DECR1: variants seen among roughly 807,000 people sequenced by gnomAD.
The protein encoded by DECR1 is 2,4-dienoyl-CoA reductase [(3E)-enoyl-CoA-producing], mitochondrial.
In DECR1, 44 loss-of-function variants were observed where a neutral mutation model predicts 38.8. The observed-to-expected ratio is 1.13, with a 90% CI of 0.89 to 1.46. The LOEUF is 1.46. DECR1 is among the 40% of genes most tolerant of loss of function. The pLI is 0.00. For missense variants in DECR1, 428 were observed against 405.5 expected (o/e 1.06, Z -0.48); for synonymous variants, 148 against 135.2 (o/e 1.09, Z -0.66).
chr8:90,036,513 T>C (rs2130125953), intron 5 of DECR1, among the ~76,000 whole-genome samples: 1 of 152,294 alleles, frequency 6.6e-6, no homozygotes, highest in East Asian at 1.9e-4. Flanking sequence ...CTTATTCAAG[T>C]AGTACTTAGT....
In DECR1 at chr8:90,036,922, G is replaced by T; in HGVS notation, c.647G>T (p.Gly216Val). 7 of 1,612,978 alleles carry T rather than the reference G, an allele frequency of 4.3e-6. No individual in the cohort carries two copies. The highest frequency in any genetic ancestry group is 1.3e-5 in the African/African-American group (1 of 75,004). ...FVVPSASAKA[G>V]VEAMSKSLAA... The stretch of plus-strand genomic sequence containing the variant: ...GTACCAAGTGCTTCTGCCAAAGCAG[G>T]TGTGGAAGCCATGAGCAAGTAAGTA... Residue 216 changes from glycine to valine, a missense_variant, in exon 6 of 10, where the codon GGT becomes GTT. By Grantham distance (109) the Gly-to-Val change is moderately radical. Transcript: ENST00000220764.
At chr8:90,012,429 A>C (rs903710463) in intron 1 of DECR1, among the ~76,000 whole-genome samples, 4 of 152,122 alleles carry the variant, frequency 2.6e-5, no homozygotes, top group African/African-American at 4.8e-5. Flanking sequence ...CTGGGATTAC[A>C]GGTGTTAGCT....
chr8:90,011,908 T>A (rs1176082377), intron 1 of DECR1, among the ~76,000 whole-genome samples: 1 of 152,186 alleles, frequency 6.6e-6, no homozygotes, highest in Non-Finnish European at 1.5e-5. Context: ...AGAATTCTTA[T>A]CAACAGATTG....
chr8:90,009,164 T>C lies in DECR1; in HGVS notation c.69+7603T>C, dbSNP rs901466309. On this transcript the variant is annotated intron_variant, in intron 1 of 9. Coordinates refer to ENST00000220764, the MANE Select transcript of DECR1 (RefSeq NM_001359.2). ...CCTTTACCTCACTGACCTCTTCTCC[T>C]GCCCCTGTCTCCCTCCTTCCTTCTT... Among the ~76,000 whole-genome samples the C allele has an allele frequency of 5.9e-5, 9 of 152,194 alleles. No individual in the cohort carries two copies. The South Asian group carries it at 6.2e-4, about 11-fold the overall frequency.
Position 90,001,478 on chromosome 8 carries a change from T to G in DECR1, c.-15T>G, listed in dbSNP as rs755466018. On this transcript the variant is annotated 5_prime_UTR_variant, in exon 1 of 10. Coordinates refer to ENST00000220764, the MANE Select transcript of DECR1 (RefSeq NM_001359.2). ...CGCCTGCGCCGCCTTCCGGCCCGAGTTCTGGAGACTCAACATGAAGCTACC... is the reference window on the plus strand; with the variant it reads ...CGCCTGCGCCGCCTTCCGGCCCGAGGTCTGGAGACTCAACATGAAGCTACC... 2.5e-5 allele frequency: 40 copies of G among 1,613,768 alleles called. No individual in the cohort carries two copies. The highest frequency in any genetic ancestry group is 3.1e-5 in the Non-Finnish European group (37 of 1,179,840).
intron 8 of DECR1, among the ~76,000 whole-genome samples, chr8:90,046,908 C>T (rs1024321271): frequency 6.6e-6 from 1 of 152,140 alleles, no homozygotes; most frequent in Non-Finnish European, 1.5e-5. Context: ...TAATTTTTAA[C>T]CTAGAATTTC....
chr8:90,051,753 G>T lies in DECR1; in HGVS notation c.948+14G>T. The T allele has an allele frequency of 1.2e-6, 2 of 1,613,046 alleles. No homozygotes were observed. Among genetic ancestry groups the T allele is most frequent in the Non-Finnish European group, 8.5e-7 (1 of 1,179,282 alleles). Reference sequence around the variant, plus strand: ...GACCTGAGAAAGGTAATGCTTTTGTGTGTATAATGTAATATCAGCAGCTAG... The same window carrying T: ...GACCTGAGAAAGGTAATGCTTTTGTTTGTATAATGTAATATCAGCAGCTAG... On this transcript the variant is annotated intron_variant, in intron 9 of 9. Coordinates refer to ENST00000220764, the MANE Select transcript of DECR1 (RefSeq NM_001359.2).
chr8:90,002,695 T>A (rs2129983232), intron 1 of DECR1, among the ~76,000 whole-genome samples: 1 of 152,364 alleles, frequency 6.6e-6, no homozygotes, highest in South Asian at 2.1e-4. Flanking sequence ...CAAATAGGAA[T>A]ACAAAGAATT....
chr8:90,038,831 T>C (rs1813682045), intron 6 of DECR1, among the ~76,000 whole-genome samples: 1 of 152,190 alleles, frequency 6.6e-6, no homozygotes, highest in African/African-American at 2.4e-5. Context: ...GAAAGAAATA[T>C]TTATTCACAA....
intron 5 of DECR1, among the ~76,000 whole-genome samples, chr8:90,026,163 G>C (rs775617332): frequency 2.5e-4 from 38 of 152,156 alleles, no homozygotes; most frequent in Non-Finnish European, 4.9e-4. Context: ...ATGTTCATCA[G>C]GGATATTGGT....
chr8:90,006,418 G>C (rs1278445433), intron 1 of DECR1: 7 of 660,844 alleles, frequency 1.1e-5, no homozygotes, highest in Admixed American at 6.5e-5. Context: ...CAGCATAAAG[G>C]TTATCAACAG....
chr8:90,026,141 A>T (rs925975257), intron 5 of DECR1, among the ~76,000 whole-genome samples: 8 of 152,208 alleles, frequency 5.3e-5, no homozygotes, highest in South Asian at 2.1e-4. Flanking sequence ...TTTACTGAAG[A>T]TTTTTGCATG....
In DECR1 at chr8:90,020,907, A is replaced by G; in HGVS notation, c.418-2A>G. ...CTGTAACTTGCCTTGTTCATTTATT[A>G]GATTGTGATAAACAATGCAGCAGGG... On this transcript the variant is annotated splice_acceptor_variant, in intron 4 of 9. Coordinates refer to ENST00000220764, the MANE Select transcript of DECR1 (RefSeq NM_001359.2). LOFTEE classifies it high-confidence loss of function. 6.5e-7 allele frequency: 1 copy of G among 1,538,698 alleles called. No individual in the cohort carries two copies.
Position 90,051,960 on chromosome 8 carries a change from A to T in DECR1, c.*63A>T, listed in dbSNP as rs375403201. 19 of 1,379,340 alleles carry T rather than the reference A, an allele frequency of 1.4e-5. No homozygotes were observed. In the East Asian group the frequency reaches 4.1e-4, roughly 30 times the overall value. The allele number at this position is 1,379,340 out of a possible 1,614,324, so 85.4% of individuals were successfully genotyped here. A position where few individuals can be genotyped will look rare whatever the true frequency, so the allele number is the denominator to read the frequency against. On this transcript the variant is annotated 3_prime_UTR_variant, in exon 10 of 10. Coordinates refer to ENST00000220764, the MANE Select transcript of DECR1 (RefSeq NM_001359.2). Reference sequence around the variant, plus strand: ...ATAGAAATGAAACAAATTATCTCTCATCTTTTGACTATTTCAAGTCTAATA... The same window carrying T: ...ATAGAAATGAAACAAATTATCTCTCTTCTTTTGACTATTTCAAGTCTAATA...
intron 7 of DECR1, 143 bp downstream of exon 7, chr8:90,042,943 A>C: frequency 1.5e-6 from 1 of 667,848 alleles, no homozygotes; most frequent in South Asian, 1.8e-5. Flanking sequence ...CTTTGCCTTT[A>C]TTCATTATCG....
intron 7 of DECR1, among the ~76,000 whole-genome samples, chr8:90,044,293 T>C (rs571600513): frequency 9.2e-5 from 14 of 152,334 alleles, no homozygotes; most frequent in Admixed American, 4.6e-4. Context: ...ATCCAGTTGT[T>C]TTTATTAATC....
intron 1 of DECR1, 72 bp downstream of exon 1, chr8:90,001,633 C>T (rs1203685997): frequency 8.5e-6 from 12 of 1,403,968 alleles, no homozygotes; most frequent in Admixed American, 2.0e-5. Flanking sequence ...CAGGGCGTCA[C>T]GGGGGCTCGG....
intron 6 of DECR1, among the ~76,000 whole-genome samples, chr8:90,040,310 A>G (rs1465717574): frequency 6.6e-6 from 1 of 152,164 alleles, no homozygotes; most frequent in Non-Finnish European, 1.5e-5. Flanking sequence ...TCTGAAAGAG[A>G]TACAGCCCAC....
intron 6 of DECR1, among the ~76,000 whole-genome samples, chr8:90,041,207 T>C (rs1813752518): frequency 6.6e-6 from 1 of 152,236 alleles, no homozygotes; most frequent in Non-Finnish European, 1.5e-5. Flanking sequence ...TGATTTGCAT[T>C]TCTCTAATGA....
Sources: allele counts gnomAD v4.1 joint callset (sites outside exome capture counted in the v4.1 genomes callset), GRCh38; gene constraint gnomAD v4.1.1; transcripts MANE v1.5; gene names NCBI Gene and HGNC (gene_info 2026-07-23, HGNC 2026-07-21).